LUC7L2: variants seen among roughly 807,000 people sequenced by gnomAD.
LUC7L2 encodes LUC7 like 2, pre-mRNA splicing factor.
LUC7L2 carries 25 observed loss-of-function variants against 52.8 expected under a neutral mutation model. That is an observed-to-expected ratio of 0.47 (90% CI 0.34 to 0.66). LUC7L2 has a LOEUF of 0.66. Among genes scored for constraint, LUC7L2 ranks in the 30% least tolerant of loss-of-function variants. The probability of loss-of-function intolerance (pLI) is 0.01; values close to 1 mark genes in which losing one functional copy is unlikely to be tolerated. For missense variants in LUC7L2, 328 were observed against 497.8 expected, an observed-to-expected ratio of 0.66 and a Z score of 3.25; for synonymous variants, 144 against 160.9, an observed-to-expected ratio of 0.89 and a Z score of 0.80.
chr7:139,413,714 G>T (rs994088750), intron 8 of LUC7L2, among the ~76,000 whole-genome samples: 7 of 152,178 alleles, frequency 4.6e-5, no homozygotes, highest in African/African-American at 7.2e-5. Context: ...GGAGGTGGAG[G>T]TTACAGTAAG....
Position 139,416,040 on chromosome 7 carries a change from AATATATATATATATATATATATAT to A in LUC7L2, c.810-1471_810-1448del, listed in dbSNP as rs66498771. ...ATTTAAGAGTTTTATTGAGGTATAA[AATATATATATATATATATATATAT>A]ATATATATATATATATATATATATA... On this transcript the variant is annotated intron_variant, in intron 8 of 9. Transcript: ENST00000354926. 139 of 97,848 alleles carry A rather than the reference AATATATATATATATATATATATAT, an allele frequency of 1.4e-3. 6 individuals carry two copies. Among genetic ancestry groups the A allele is most frequent in the South Asian group, 0.011 (27 of 2,510 alleles). The allele number at this position is 97,848 out of a possible 1,614,324, so 6.1% of individuals were successfully genotyped here.
At chr7:139,345,306 C>T (rs373994785) in intron 1 of LUC7L2, among the ~76,000 whole-genome samples, 17 of 152,070 alleles carry the variant, frequency 1.1e-4, no homozygotes, top group African/African-American at 3.1e-4. Context: ...TTTAAAAATC[C>T]GAACTAGAGG....
chr7:139,345,845 C>A (rs1799247027), intron 1 of LUC7L2: 2 of 904,308 alleles, frequency 2.2e-6, no homozygotes, highest in Non-Finnish European at 3.2e-6. Context: ...ATTAACTGGA[C>A]ATTTCATCTT....
chr7:139,407,125 G>A (rs766627029), intron 5 of LUC7L2, 49 bp from the exon 6 acceptor site: 1 of 1,457,014 alleles, frequency 6.9e-7, no homozygotes, highest in East Asian at 2.6e-5. Context: ...TTAATTGTAT[G>A]ACTTTTAGTG....
chr7:139,403,206 C>T (rs904435391), intron 4 of LUC7L2, among the ~76,000 whole-genome samples: 1 of 152,144 alleles, frequency 6.6e-6, no homozygotes, highest in African/African-American at 2.4e-5. Flanking sequence ...TAAGTTATAA[C>T]CACAGTAATA....
chr7:139,421,462 G>T (rs1203243129), intron 9 of LUC7L2, among the ~76,000 whole-genome samples: 2 of 152,200 alleles, frequency 1.3e-5, no homozygotes, highest in African/African-American at 4.8e-5. Flanking sequence ...ATGAAGTTGG[G>T]TATGGGAATG....
At chr7:139,405,607 T>C in intron 4 of LUC7L2, 37 bp from the exon 5 acceptor site, 2 of 1,553,860 alleles carry the variant, frequency 1.3e-6, no homozygotes, top group Non-Finnish European at 1.7e-6. Context: ...ATTCATTCTC[T>C]TGTTTATTCA....
chr7:139,397,643 A>G (rs996278688), intron 2 of LUC7L2, among the ~76,000 whole-genome samples: 1 of 152,220 alleles, frequency 6.6e-6, no homozygotes, highest in African/African-American at 2.4e-5. Flanking sequence ...GATTAATCAT[A>G]CCTGTAATGA....
intron 3 of LUC7L2, among the ~76,000 whole-genome samples, chr7:139,399,370 A>G (rs1294445958): frequency 6.8e-6 from 1 of 147,262 alleles, no homozygotes; most frequent in South Asian, 2.2e-4. Flanking sequence ...ACGTGCATTC[A>G]TGGATTTTGG....
At chr7:139,413,796 C>CTTACAGTTCTG in intron 8 of LUC7L2, among the ~76,000 whole-genome samples, 1 of 151,906 alleles carries the variant, frequency 6.6e-6, no homozygotes, top group East Asian at 1.9e-4. Flanking sequence ...AAACAAAAAC[C>CTTACAGTTCTG]TTACAGTTCT....
At chr7:139,410,298 ATTT>A (rs60534122) in intron 7 of LUC7L2, among the ~76,000 whole-genome samples, 2 of 150,020 alleles carry the variant, frequency 1.3e-5, no homozygotes, top group African/African-American at 4.9e-5. Context: ...TAGAATTATT[ATTT>A]TTTTTTTATG....
chr7:139,409,716 T>C, intron 7 of LUC7L2, 62 bp downstream of exon 7: 1 of 1,473,774 alleles, frequency 6.8e-7, no homozygotes. Context: ...AGAGATATAA[T>C]TGATTTTAAA....
intron 2 of LUC7L2, among the ~76,000 whole-genome samples, chr7:139,380,386 T>G (rs1301703816): frequency 1.3e-5 from 2 of 151,934 alleles, no homozygotes; most frequent in Non-Finnish European, 2.9e-5. Flanking sequence ...TCATCCAAGG[T>G]CAGGAGTTCG....
chr7:139,419,327 A>G (rs1795780337), intron 9 of LUC7L2, among the ~76,000 whole-genome samples: 1 of 152,216 alleles, frequency 6.6e-6, no homozygotes, highest in Admixed American at 6.5e-5. Flanking sequence ...AAATTTGAAC[A>G]GGTAGAATCA....
Position 139,417,591 on chromosome 7 carries a change from G to C in LUC7L2, c.863G>C (p.Arg288Pro). 2 of 1,614,164 alleles carry C rather than the reference G, an allele frequency of 1.2e-6. No individual in the cohort carries two copies. The highest frequency in any genetic ancestry group is 2.2e-5 in the East Asian group (1 of 44,890). ...CGATCTCGCTCCATGTCACGTGAAC[G>C]CAAGAGGAGAACTCGATCCAAATCT... The part of the protein sequence containing the change: ...RHRSRSMSRE[R>P]KRRTRSKSRE... Residue 288 changes from arginine (R) to proline (P), a missense_variant, in exon 9 of 10, where the codon CGC becomes CCC. Physicochemically the swap from Arg to Pro is moderately radical, Grantham distance 103. This residue lies in a region of LUC7L2 where 195 missense variants were observed against 223.3 expected (regional missense o/e 0.87). Coordinates refer to ENST00000354926, the MANE Select transcript of LUC7L2 (RefSeq NM_016019.5).
rs780544389 is a variant in LUC7L2 at position 139,376,099 on chromosome 7, C to G, written c.99C>G (p.Asp33Glu). ...GTCAACGAATCAAATTCAGTGATGACAGAGTATGCAAGAGTCACCTTCTCA... is the reference window on the plus strand; with the variant it reads ...GTCAACGAATCAAATTCAGTGATGAGAGAGTATGCAAGAGTCACCTTCTCA... ...TTRQRIKFSDDRVCKSHLLNC... is the reference protein window; with the variant it reads ...TTRQRIKFSDERVCKSHLLNC... The change falls in exon 2 of 10, where the codon GAC (aspartate) becomes GAG (glutamate). Residue 33 changes from aspartate to glutamate, a missense_variant. Physicochemically the swap from Asp to Glu is conservative, Grantham distance 45. This residue lies in a region of LUC7L2 where 133 missense variants were observed against 274.4 expected (regional missense o/e 0.48). Transcript: ENST00000354926. The G allele has an allele frequency of 2.5e-6, 4 of 1,613,748 alleles. No homozygotes were observed. In the East Asian group the frequency reaches 6.7e-5, roughly 27 times the overall value.
intron 6 of LUC7L2, 44 bp downstream of exon 6, chr7:139,407,394 G>C: frequency 6.4e-7 from 1 of 1,565,124 alleles, no homozygotes; most frequent in Non-Finnish European, 8.7e-7. Flanking sequence ...TTGTTCTTTT[G>C]ATCTGTATCA....
At chr7:139,353,751 C>A (rs1799526474) in intron 1 of LUC7L2, among the ~76,000 whole-genome samples, 1 of 151,900 alleles carries the variant, frequency 6.6e-6, no homozygotes, top group African/African-American at 2.4e-5. Flanking sequence ...CTAGATTGCG[C>A]CACTGCACTC....
intron 2 of LUC7L2, among the ~76,000 whole-genome samples, chr7:139,391,228 T>TG (rs1356665070): frequency 1.3e-5 from 2 of 152,228 alleles, no homozygotes; most frequent in East Asian, 3.8e-4. Flanking sequence ...TGTAGACACT[T>TG]GCAGCTGTTG....
Sources: gnomAD v4.1 joint callset for allele counts (sites outside exome capture counted in the v4.1 genomes callset) on GRCh38, gnomAD v4.1.1 for gene constraint, gnomAD v4.1.1 regional missense constraint, MANE v1.5 for transcripts, NCBI Gene and HGNC (gene_info 2026-07-23, HGNC 2026-07-21) for gene names.